The following ADGRG1 variants were observed in gnomAD, a reference collection of about 807,000 sequenced individuals.
The protein encoded by ADGRG1 is adhesion G protein-coupled receptor G1.
ADGRG1 carries 53 observed loss-of-function variants against 73.5 expected under a neutral mutation model. The observed-to-expected ratio is 0.72, with a 90% CI of 0.58 to 0.91. ADGRG1 has a LOEUF of 0.91. ADGRG1 is among the 40% of genes least tolerant of loss of function. The pLI is 0.00. For synonymous variants in ADGRG1, 394 were observed against 374.4 expected (o/e 1.05, Z -0.60); for missense variants, 795 against 871.8 (o/e 0.91, Z 1.11).
rs192965568 is a variant in ADGRG1, at chr16:57,656,964, G to T, written c.1167+347G>T. Among the ~76,000 whole-genome samples, 182 of 152,296 alleles carry T rather than the reference G, an allele frequency of 1.2e-3. 1 individual carries two copies. The highest frequency in any genetic ancestry group is 4.1e-3 in the African/African-American group (172 of 41,556). On this transcript the variant is annotated intron_variant, in intron 9 of 13. Coordinates refer to ENST00000562631, the MANE Select transcript of ADGRG1 (RefSeq NM_201525.4). The stretch of plus-strand genomic sequence containing the variant: ...TGAGGCCCCTGAGGTGGCCTCCAGT[G>T]CCCCCAAGACCTCAGAATTCATGCT...
intron 1 of ADGRG1, chr16:57,643,896 G>T (rs1278263484): frequency 3.1e-6 from 3 of 974,654 alleles, no homozygotes; most frequent in Non-Finnish European, 3.7e-6. Flanking sequence ...GCTGAGGGGT[G>T]GGGGGACTGG....
At chr16:57,659,246 G>A in intron 10 of ADGRG1, 167 bp from the exon 11 acceptor site, 3 of 1,489,994 alleles carry the variant, frequency 2.0e-6, no homozygotes, top group East Asian at 2.5e-5. Context: ...ACAGGGGGAT[G>A]TGGGGAACAG....
At chr16:57,647,381 G>A (rs2042951278) in intron 1 of ADGRG1, 4 of 983,504 alleles carry the variant, frequency 4.1e-6, no homozygotes, top group African/African-American at 1.7e-5. Context: ...GGGAAACAGG[G>A]AGGAGGGGCC....
chr16:57,636,577 A>G (rs2039428997), intron 1 of ADGRG1: 10 of 984,680 alleles, frequency 1.0e-5, no homozygotes, highest in Non-Finnish European at 1.2e-5. Context: ...TACCCCTCAC[A>G]TAGCCTGAGT....
intron 1 of ADGRG1, 57 bp downstream of exon 1, chr16:57,628,859 TGTGAGTGTGTGAGCGTGAGTGTGTGA>T: frequency 1.0e-6 from 1 of 982,406 alleles, no homozygotes; most frequent in Non-Finnish European, 1.2e-6. Context: ...AGTGTGAGAG[TGTGAGTGTGTGAGCGTGAGTGTGTGA>T]GAGTGTGAGT....
intron 9 of ADGRG1, 32 bp from the exon 10 acceptor site, chr16:57,657,341 G>A (rs201832986): frequency 3.6e-5 from 58 of 1,613,712 alleles, no homozygotes; most frequent in East Asian, 3.1e-4. Flanking sequence ...GGGGGACACA[G>A]AGGCCAGCTC....
In ADGRG1 at chr16:57,650,310, A is replaced by C. The variant is rs1901493150; in HGVS notation, c.23A>C (p.Gln8Pro). Reference protein sequence around the residue: MTPQSLLQTTLFLLSLLF... With the variant: MTPQSLLPTTLFLLSLLF... Reference sequence around the variant, plus strand: ...AAAATGACTCCCCAGTCGCTGCTGCAGACGACACTGTTCCTGCTGAGTCTG... The same window carrying C: ...AAAATGACTCCCCAGTCGCTGCTGCCGACGACACTGTTCCTGCTGAGTCTG... The change falls in exon 2 of 14, where the codon CAG becomes CCG. Residue 8 changes from glutamine (Q) to proline (P), a missense_variant. Gln to Pro is a moderately conservative substitution (Grantham distance 76). Coordinates refer to ENST00000562631, the MANE Select transcript of ADGRG1 (RefSeq NM_201525.4). 1 of 1,613,786 alleles carries C rather than the reference A, an allele frequency of 6.2e-7. No individual in the cohort carries two copies. Among genetic ancestry groups the C allele is most frequent in the Non-Finnish European group, 8.5e-7 (1 of 1,179,654 alleles).
At chr16:57,644,698 G>T (rs1228779288) in intron 1 of ADGRG1, among the ~76,000 whole-genome samples, 1 of 98,360 alleles carries the variant, frequency 1.0e-5, no homozygotes, top group Non-Finnish European at 1.9e-5. Context: ...GCACACACAT[G>T]CACGGGCACA....
rs1490468318 is a variant in ADGRG1 at position 57,639,726 on chromosome 16, T to C, written c.-35-10527T>C. On this transcript the variant is annotated intron_variant, in intron 1 of 13. Coordinates refer to ENST00000562631, the MANE Select transcript of ADGRG1 (RefSeq NM_201525.4). ...CCCCGTCCCTTTCACTCCTGCTCCC[T>C]CTCCCTGCTCCCCGCTTCTCCCCTG... 4.4e-6 allele frequency: 4 copies of C among 904,504 alleles called. No individual in the cohort carries two copies. The African/African-American group carries it at 7.2e-5, about 16-fold the overall frequency. 56.0% of individuals were successfully genotyped at this position (904,504 alleles called of 1,614,324 possible). A position where few individuals can be genotyped will look rare whatever the true frequency, so the allele number is the denominator to read the frequency against.
At chr16:57,659,243 G>A (rs1411918278) in intron 10 of ADGRG1, 170 bp from the exon 11 acceptor site, 1 of 1,487,430 alleles carries the variant, frequency 6.7e-7, no homozygotes, top group African/African-American at 1.4e-5. Context: ...TGCACAGGGG[G>A]ATGTGGGGAA....
intron 1 of ADGRG1, chr16:57,643,714 C>T (rs1241716530): frequency 7.1e-6 from 7 of 985,026 alleles, no homozygotes; most frequent in Non-Finnish European, 8.4e-6. Context: ...AAACTGAAGT[C>T]ACTCTGCTTC....
intron 2 of ADGRG1, 52 bp from the exon 3 acceptor site, chr16:57,651,148 C>A: frequency 6.2e-7 from 1 of 1,611,488 alleles, no homozygotes; most frequent in Admixed American, 1.7e-5. Context: ...CCCTTCCATG[C>A]CTCTGGTCAG....
rs879762315 is a variant in ADGRG1 at position 57,628,919 on chromosome 16, T to TGA, written c.-36+119_-36+120dup. The TGA allele has an allele frequency of 4.3e-6, 3 of 705,848 alleles. No individual in the cohort carries two copies. In the South Asian group the frequency reaches 2.0e-4, roughly 47 times the overall value. 43.7% of individuals were successfully genotyped at this position (705,848 alleles called of 1,614,324 possible). On this transcript the variant is annotated intron_variant, in intron 1 of 13. Transcript: ENST00000562631. ...GTGTGTGAGTGTGAGTGTGTGAGAG[T>TGA]GAGTGTGAGTGTGAGTGTGAGCGTG...
intron 1 of ADGRG1, chr16:57,621,244 G>A (rs963890939): frequency 2.6e-5 from 4 of 152,076 alleles, no homozygotes; most frequent in African/African-American, 9.7e-5. Flanking sequence ...GAGACCCTGG[G>A]GGCTCCTGGC....
chr16:57,652,077 C>T (rs2044241612), intron 3 of ADGRG1: 3 of 1,045,064 alleles, frequency 2.9e-6, no homozygotes, highest in Non-Finnish European at 3.5e-6. Flanking sequence ...CAAAGCTGCA[C>T]AGCTAGCCAA....
intron 12 of ADGRG1, chr16:57,661,370 C>A: frequency 2.0e-6 from 2 of 985,130 alleles, no homozygotes; most frequent in Non-Finnish European, 2.4e-6. Flanking sequence ...GAACCCAAAC[C>A]GGAAGCCAGG....
chr16:57,629,266 G>A (rs2037047360), intron 1 of ADGRG1: 2 of 713,612 alleles, frequency 2.8e-6, no homozygotes, highest in Non-Finnish European at 3.4e-6. Flanking sequence ...ATGCCTGGGA[G>A]GGGACTGGGG....
rs2047982030 is a variant in ADGRG1 at position 57,664,932 on chromosome 16, A to T, written c.*1350A>T. On this transcript the variant is annotated 3_prime_UTR_variant, in exon 14 of 14. Coordinates refer to ENST00000562631, the MANE Select transcript of ADGRG1 (RefSeq NM_201525.4). ...CGTACCAATTCTTTTGTCTTTTGAT[A>T]TTAAAAAGAAGTACATGTTCATTGT... The T allele has an allele frequency of 1.3e-5, 2 of 153,480 alleles. No homozygotes were observed. The allele number at this position is 153,480 out of a possible 1,614,324, so 9.5% of individuals were successfully genotyped here.
intron 13 of ADGRG1, 124 bp downstream of exon 13, chr16:57,662,089 A>G (rs2047240469): frequency 1.2e-6 from 1 of 816,242 alleles, no homozygotes; most frequent in Non-Finnish European, 2.1e-6. Flanking sequence ...CCATTCATAA[A>G]ATGGGGACAT....
Sources: gnomAD v4.1 joint callset for allele counts (sites outside exome capture counted in the v4.1 genomes callset) on GRCh38, gnomAD v4.1.1 for gene constraint, MANE v1.5 for transcripts, NCBI Gene and HGNC (gene_info 2026-07-23, HGNC 2026-07-21) for gene names.